SGSM2: variants seen among roughly 807,000 people sequenced by gnomAD.
SGSM2 encodes the protein RUN and TBC1 domain containing 1.
Under a neutral mutation model 126.6 loss-of-function variants are expected in SGSM2, and 89 were observed. That is an observed-to-expected ratio of 0.70 (90% CI 0.59 to 0.84). The LOEUF is 0.84. Ranked by LOEUF, SGSM2 falls within the 40% of genes least tolerant of loss-of-function variation. The pLI, the probability that SGSM2 is intolerant of heterozygous loss-of-function variation, is 0.00. For synonymous variants in SGSM2, 614 were observed against 574.3 expected, an observed-to-expected ratio of 1.07 and a Z score of -0.99; for missense variants, 1,404 against 1,416.6, an observed-to-expected ratio of 0.99 and a Z score of 0.14.
At chr17:2,371,888 A>G in intron 13 of SGSM2, 1 of 463,506 alleles carries the variant, frequency 2.2e-6, no homozygotes, top group Non-Finnish European at 3.9e-6. Flanking sequence ...TCCGTTTATT[A>G]ATCCTGATGA....
At position 2,362,618 on chromosome 17, in the gene SGSM2, C is replaced by T. The variant is rs1030622327; in HGVS notation, c.459-220C>T. On this transcript the variant is annotated intron_variant, in intron 4 of 23. Coordinates refer to ENST00000268989, the MANE Select transcript of SGSM2 (RefSeq NM_014853.3). This position sits in a 1 kb window ranked among gnomAD's most constrained non-coding sequence, Gnocchi z 4.9. ...CCAGCCCTCAGGATGCTTGCCTGTC[C>T]GTGACAGCCTGTAGGCAACCCTCCA... is the stretch of plus-strand genomic sequence containing the variant. Among the ~76,000 whole-genome samples, 9 of 152,240 alleles carry T rather than the reference C, an allele frequency of 5.9e-5. No individual in the cohort carries two copies. The highest frequency in any genetic ancestry group is 2.2e-4 in the African/African-American group (9 of 41,472).
In SGSM2 at chr17:2,377,048, A is replaced by T. The variant is rs766108311; in HGVS notation, c.2782A>T (p.Asn928Tyr). ...NGGAMDTHFANMRSLIQILDS... is the reference protein window; with the variant it reads ...NGGAMDTHFAYMRSLIQILDS... ...GGGTGCCATGGACACCCACTTTGCC[A>T]ACATGCGCTCCCTCATCCAGGTGAG... The change falls in exon 21 of 24, where the codon AAC becomes TAC. Residue 928 changes from asparagine (N) to tyrosine (Y), a missense_variant. Asn to Tyr is a moderately radical substitution (Grantham distance 143). Transcript: ENST00000268989. 1 of 1,613,132 alleles carries T rather than the reference A, an allele frequency of 6.2e-7. No homozygotes were observed. The highest frequency in any genetic ancestry group is 1.3e-5 in the African/African-American group (1 of 74,936).
In SGSM2 at chr17:2,377,940, G is replaced by A; in HGVS notation, c.2886G>A (p.Leu962=). 6.2e-7 allele frequency: 1 copy of A among 1,609,698 alleles called. No individual in the cohort carries two copies. The highest frequency in any genetic ancestry group is 8.5e-7 in the Non-Finnish European group (1 of 1,176,128). ...ACTTCTGTTATCGCTGGTTCCTGCT[G>A]GATTTTAAGAGAGGTAAGAAGTGGG... is the stretch of plus-strand genomic sequence containing the variant. ...HFYFCYRWFL[L]DFKRELLYED... The change falls in exon 22 of 24, where the codon CTG becomes CTA. Residue 962 remains leucine (L), a synonymous_variant. Transcript: ENST00000268989.
intron 2 of SGSM2, among the ~76,000 whole-genome samples, chr17:2,351,806 C>T (rs1235717812): frequency 2.0e-5 from 3 of 152,146 alleles, no homozygotes; most frequent in Non-Finnish European, 2.9e-5. Context: ...GTGACCTACC[C>T]GCCTCAGGAC....
At position 2,337,845 on chromosome 17, in the gene SGSM2, C is replaced by G. The variant is rs1182050183; in HGVS notation, c.57+100C>G. The stretch of plus-strand genomic sequence containing the variant: ...CACCCCCCGGCGCGGGCACCCGGGC[C>G]GAACCTGGGCCGGGCGGGGCGGGTC... On this transcript the variant is annotated intron_variant, in intron 1 of 23. Transcript: ENST00000268989. The surrounding 1 kb of genome is among the most constrained non-coding windows in gnomAD (Gnocchi z 5.1). 5.0e-6 allele frequency: 4 copies of G among 796,368 alleles called. No homozygotes were observed. The highest frequency in any genetic ancestry group is 1.9e-5 in the African/African-American group (1 of 53,562). 49.3% of individuals were successfully genotyped at this position (796,368 alleles called of 1,614,324 possible).
chr17:2,372,756 G>T lies in SGSM2; in HGVS notation c.1789-197G>T. ...CGGGCGCCATTTCCTGCCCCTTAAG[G>T]AAGGAGAGCAGAACGAGATCTCATC... On this transcript the variant is annotated intron_variant, in intron 15 of 23. Coordinates refer to ENST00000268989, the MANE Select transcript of SGSM2 (RefSeq NM_014853.3). The surrounding 1 kb of genome is among the most constrained non-coding windows in gnomAD (Gnocchi z 6.0). 1.2e-6 allele frequency: 1 copy of T among 847,164 alleles called. No homozygotes were observed. The highest frequency in any genetic ancestry group is 1.8e-6 in the Non-Finnish European group (1 of 557,288). The allele number at this position is 847,164 out of a possible 1,614,324, so 52.5% of individuals were successfully genotyped here.
rs571560466 is a variant in SGSM2, at chr17:2,357,246, C to A, written c.134-4391C>A. On this transcript the variant is annotated intron_variant, in intron 2 of 23. Transcript: ENST00000268989. The stretch of plus-strand genomic sequence containing the variant: ...GAGTTAAATGCAGTTATGCTCCTGC[C>A]CACTCAGAGTTGCAGTTCCTTGAGC... 2.6e-5 allele frequency among the ~76,000 whole-genome samples: 4 copies of A among 152,110 alleles called. No individual in the cohort carries two copies. The South Asian group carries it at 8.3e-4, about 32-fold the overall frequency.
rs906998607 is a variant in SGSM2 at position 2,380,055 on chromosome 17, G to A, written c.*535G>A. ...TCACGGGTGCGGGAGACCCGGGCAC[G>A]GGAGACCCGGGCCGCCTTCAGGCCG... is the stretch of plus-strand genomic sequence containing the variant. On this transcript the variant is annotated 3_prime_UTR_variant, in exon 24 of 24. Coordinates refer to ENST00000268989, the MANE Select transcript of SGSM2 (RefSeq NM_014853.3). 1.1e-5 allele frequency: 16 copies of A among 1,402,402 alleles called. No individual in the cohort carries two copies. The highest frequency in any genetic ancestry group is 3.1e-5 in the Admixed American group (1 of 32,008). 86.9% of individuals were successfully genotyped at this position (1,402,402 alleles called of 1,614,324 possible). A position where few individuals can be genotyped will look rare whatever the true frequency, so the allele number is the denominator to read the frequency against.
At chr17:2,349,318 G>A (rs1366324715) in intron 2 of SGSM2, among the ~76,000 whole-genome samples, 1 of 152,070 alleles carries the variant, frequency 6.6e-6, no homozygotes, top group Non-Finnish European at 1.5e-5. Context: ...GGAGGTTTCA[G>A]TGAGCGAGAT....
At chr17:2,377,798 C>T (rs1454894440) in intron 21 of SGSM2, 59 bp from the exon 22 acceptor site, 31 of 1,138,612 alleles carry the variant, frequency 2.7e-5, no homozygotes, top group Non-Finnish European at 3.2e-5. Flanking sequence ...CGGTGAGTGG[C>T]GGCCAGAGGC....
In SGSM2 at chr17:2,362,775, G is replaced by A; in HGVS notation, c.459-63G>A. The A allele has an allele frequency of 6.5e-7, 1 of 1,548,502 alleles. No individual in the cohort carries two copies. On this transcript the variant is annotated intron_variant, in intron 4 of 23. Coordinates refer to ENST00000268989, the MANE Select transcript of SGSM2 (RefSeq NM_014853.3). The surrounding 1 kb of genome is among the most constrained non-coding windows in gnomAD (Gnocchi z 4.9). ...CTTTGTGGGGATGTCCCTACCTGGTGAGCTTGACTGCCCTGGAATGAGCCC... is the reference window on the plus strand; with the variant it reads ...CTTTGTGGGGATGTCCCTACCTGGTAAGCTTGACTGCCCTGGAATGAGCCC...
Position 2,379,420 on chromosome 17 carries a change from G to T in SGSM2, c.3068-12G>T, listed in dbSNP as rs773276485. 2.5e-6 allele frequency: 4 copies of T among 1,610,484 alleles called. No individual in the cohort carries two copies. The highest frequency in any genetic ancestry group is 2.7e-5 in the African/African-American group (2 of 74,856). The stretch of plus-strand genomic sequence containing the variant: ...TCTGGGCCTCTCTACAGCTCTTCAC[G>T]TTTCCCCCCAGAACGTGCTGAGCAT... On this transcript the variant is annotated splice_polypyrimidine_tract_variant and intron_variant, in intron 23 of 23. Coordinates refer to ENST00000268989, the MANE Select transcript of SGSM2 (RefSeq NM_014853.3).
At chr17:2,348,591 A>T (rs72824333) in intron 2 of SGSM2, among the ~76,000 whole-genome samples, 2 of 151,832 alleles carry the variant, frequency 1.3e-5, no homozygotes, top group Non-Finnish European at 2.9e-5. Context: ...GGTCACACAG[A>T]CCTGGGTTCA....
At chr17:2,351,230 G>A (rs542290716) in intron 2 of SGSM2, among the ~76,000 whole-genome samples, 44 of 151,946 alleles carry the variant, frequency 2.9e-4, no homozygotes, top group Middle Eastern at 6.8e-3. Context: ...TCCGACCTGG[G>A]CAATAGATCG....
chr17:2,365,743 C>CTT (rs946989393), intron 11 of SGSM2, among the ~76,000 whole-genome samples: 87 of 129,496 alleles, frequency 6.7e-4, no homozygotes, highest in Middle Eastern at 3.9e-3. Flanking sequence ...ACCAGCGCTA[C>CTT]TTTTTTTTTT....
chr17:2,376,293 G>A (rs1660256337), intron 19 of SGSM2, 32 bp downstream of exon 19: 1 of 1,593,036 alleles, frequency 6.3e-7, no homozygotes, highest in African/African-American at 1.4e-5. Flanking sequence ...AGGGTGGGAG[G>A]CGGGACCCTG....
rs190177655 is a variant in SGSM2, at chr17:2,367,875, G to C, written c.1423+470G>C. Among the ~76,000 whole-genome samples the C allele has an allele frequency of 6.6e-6, 1 of 152,178 alleles. No individual in the cohort carries two copies. Among genetic ancestry groups the C allele is most frequent in the Non-Finnish European group, 1.5e-5 (1 of 68,018 alleles). ...CAGGGGCAGCAGCTGTGGGTCAGGC[G>C]AGGGGTTGAGGGCTGCCATGCGAAG... On this transcript the variant is annotated intron_variant, in intron 12 of 23. Coordinates refer to ENST00000268989, the MANE Select transcript of SGSM2 (RefSeq NM_014853.3). The surrounding 1 kb of genome is among the most constrained non-coding windows in gnomAD (Gnocchi z 4.0).
chr17:2,370,682 G>T (rs551914628), intron 12 of SGSM2, among the ~76,000 whole-genome samples: 2 of 152,224 alleles, frequency 1.3e-5, no homozygotes, highest in South Asian at 4.1e-4. Flanking sequence ...CCTGGGCACG[G>T]GGCACTGCTC....
chr17:2,376,582 T>C (rs1405422032), intron 19 of SGSM2, 151 bp from the exon 20 acceptor site: 2 of 862,852 alleles, frequency 2.3e-6, no homozygotes, highest in Non-Finnish European at 3.7e-6. Context: ...TGTTCCCCGT[T>C]GTCTCCCTGT....
Sources: gnomAD v4.1 joint callset for allele counts (sites outside exome capture counted in the v4.1 genomes callset) on GRCh38, gnomAD v4.1.1 for gene constraint, Gnocchi (gnomAD v3.1) non-coding constraint, MANE v1.5 for transcripts, NCBI Gene and HGNC (gene_info 2026-07-23, HGNC 2026-07-21) for gene names.